The following RNF111 variants were observed in gnomAD, a reference collection of about 807,000 sequenced individuals.
RNF111 encodes ring finger protein 111, also known as E3 ubiquitin-protein ligase Arkadia.
Under a neutral mutation model 95.1 loss-of-function variants are expected in RNF111, and 17 were observed. The ratio of observed to expected loss-of-function variants is 0.18; its 90% CI spans 0.12 to 0.27. The LOEUF is 0.27. Ranked by LOEUF, RNF111 falls within the 10% of genes least tolerant of loss-of-function variation. The pLI is 1.00. For synonymous variants in RNF111, 440 were observed against 414.8 expected, an observed-to-expected ratio of 1.06 and a Z score of -0.74; for missense variants, 1,189 against 1,210.4, an observed-to-expected ratio of 0.98 and a Z score of 0.26.
intron 1 of RNF111, among the ~76,000 whole-genome samples, chr15:59,023,045 G>A (rs1385791104): frequency 1.3e-5 from 2 of 152,134 alleles, no homozygotes; most frequent in Admixed American, 6.5e-5. Flanking sequence ...TCAGGAGTTC[G>A]AGACCAGCCT....
chr15:59,048,966 T>TGG (rs1157514520), intron 2 of RNF111, among the ~76,000 whole-genome samples: 5 of 152,046 alleles, frequency 3.3e-5, no homozygotes, highest in Non-Finnish European at 7.4e-5. Flanking sequence ...CTGGGTGTGG[T>TGG]GGTGTGCACC....
Position 59,022,110 on chromosome 15 carries a change from T to A in RNF111, c.-19-8694T>A, listed in dbSNP as rs75880969. Among the ~76,000 whole-genome samples the A allele has an allele frequency of 4.6e-3, 699 of 152,302 alleles. 2 individuals are homozygous for A. Among genetic ancestry groups the A allele is most frequent in the African/African-American group, 0.016 (654 of 41,552 alleles). On this transcript the variant is annotated intron_variant, in intron 1 of 13. Coordinates refer to ENST00000348370, the MANE Select transcript of RNF111 (RefSeq NM_017610.8). ...CCTGACCTAAAGTGATCTCCCCGCC[T>A]TGGCCGCCCAAAGTGCTGGGATTAC...
At chr15:59,010,608 A>G (rs1450221662) in intron 1 of RNF111, among the ~76,000 whole-genome samples, 2 of 152,050 alleles carry the variant, frequency 1.3e-5, no homozygotes, top group Non-Finnish European at 2.9e-5. Context: ...TACCATGTTG[A>G]CCAGGCTGGT....
chr15:59,055,561 T>C, intron 3 of RNF111, 121 bp from the exon 4 acceptor site: 1 of 676,948 alleles, frequency 1.5e-6, no homozygotes, highest in Non-Finnish European at 2.2e-6. Context: ...TAATTACGAT[T>C]ATTTCTTTGG....
chr15:59,035,757 C>A (rs1596154173), intron 2 of RNF111, among the ~76,000 whole-genome samples: 1 of 152,194 alleles, frequency 6.6e-6, no homozygotes, highest in Non-Finnish European at 1.5e-5. Context: ...GGCCCATTTA[C>A]TCCAGTTCCC....
chr15:59,008,439 G>C (rs1179814634), intron 1 of RNF111, among the ~76,000 whole-genome samples: 2 of 151,896 alleles, frequency 1.3e-5, no homozygotes, highest in African/African-American at 2.4e-5. Context: ...GGCTGGTCTC[G>C]ACTCCTGAGC....
At chr15:59,023,230 A>C (rs1409607253) in intron 1 of RNF111, among the ~76,000 whole-genome samples, 3 of 152,214 alleles carry the variant, frequency 2.0e-5, no homozygotes, top group Admixed American at 2.0e-4. Context: ...CCTGGGTGAC[A>C]GAGCAAGACT....
intron 8 of RNF111, among the ~76,000 whole-genome samples, chr15:59,083,214 T>C (rs1400682995): frequency 1.3e-5 from 2 of 151,994 alleles, no homozygotes; most frequent in African/African-American, 4.8e-5. Context: ...TAACTGACTT[T>C]AGGAAGAGAA....
chr15:59,001,928 TAAA>T (rs1261759522), intron 1 of RNF111, among the ~76,000 whole-genome samples: 1 of 152,086 alleles, frequency 6.6e-6, no homozygotes, highest in Admixed American at 6.6e-5. Flanking sequence ...CAATAACTAA[TAAA>T]AAAATTTATA....
chr15:59,022,584 T>A (rs1167583540), intron 1 of RNF111, among the ~76,000 whole-genome samples: 1 of 152,198 alleles, frequency 6.6e-6, no homozygotes, highest in Non-Finnish European at 1.5e-5. Flanking sequence ...CCTTGTGCAG[T>A]CCTCTTTTAA....
chr15:59,011,275 G>A (rs1343558866), intron 1 of RNF111, among the ~76,000 whole-genome samples: 1 of 152,120 alleles, frequency 6.6e-6, no homozygotes, highest in Non-Finnish European at 1.5e-5. Context: ...TTAAGTTTCA[G>A]TGCATACCTC....
At chr15:59,054,983 A>T (rs1450579262) in intron 3 of RNF111, among the ~76,000 whole-genome samples, 1 of 152,256 alleles carries the variant, frequency 6.6e-6, no homozygotes, top group African/African-American at 2.4e-5. Context: ...CCAAATCATT[A>T]TAGTGAGTCC....
intron 1 of RNF111, among the ~76,000 whole-genome samples, chr15:59,010,775 A>C (rs1381885721): frequency 6.6e-6 from 1 of 152,148 alleles, no homozygotes; most frequent in Non-Finnish European, 1.5e-5. Flanking sequence ...GGAAAAGTTG[A>C]GACTGGGTTG....
chr15:59,094,351 TGA>T (rs1172552084), intron 13 of RNF111, among the ~76,000 whole-genome samples: 1 of 152,192 alleles, frequency 6.6e-6, no homozygotes, highest in Non-Finnish European at 1.5e-5. Flanking sequence ...GTAATGTTTT[TGA>T]GAGAGAATTA....
chr15:58,995,764 CTTTTTTTTTTTTTT>C (rs34209382), intron 1 of RNF111, among the ~76,000 whole-genome samples: 5 of 99,528 alleles, frequency 5.0e-5, no homozygotes, highest in African/African-American at 2.0e-4. Flanking sequence ...GTGCCCCGGC[CTTTTTTTTTTTTTT>C]TTTTTTTTTT....
intron 1 of RNF111, among the ~76,000 whole-genome samples, chr15:59,027,257 A>G (rs1483201136): frequency 2.0e-5 from 3 of 152,144 alleles, no homozygotes; most frequent in African/African-American, 7.2e-5. Context: ...ACCAGAACAT[A>G]ACTCTGACAT....
Position 59,066,951 on chromosome 15 carries a change from C to G in RNF111, c.1554C>G (p.His518Gln). 1 of 1,614,128 alleles carries G rather than the reference C, an allele frequency of 6.2e-7. No individual in the cohort carries two copies. Among genetic ancestry groups the G allele is most frequent in the Non-Finnish European group, 8.5e-7 (1 of 1,180,012 alleles). The change falls in exon 6 of 14, where the codon CAC becomes CAG. Residue 518 changes from histidine to glutamine, a missense_variant. His to Gln is a conservative substitution (Grantham distance 24, BLOSUM62 0). This residue lies in a region of RNF111 where 1,024 missense variants were observed against 925.9 expected (regional missense o/e 1.11). Transcript: ENST00000348370. ...ACCATTTTCAACATCATCACCACCA[C>G]CACCATACTCCCCACCCAGCTGTCC... ...HGHHFQHHHH[H>Q]HHTPHPAVPV...
intron 10 of RNF111, among the ~76,000 whole-genome samples, chr15:59,087,522 GTATGT>G (rs1328480228): frequency 4.6e-5 from 7 of 152,224 alleles, no homozygotes; most frequent in South Asian, 2.1e-4. Context: ...CACATATTCT[GTATGT>G]TATAAGTACG....
chr15:59,087,769 C>T (rs1413191407), intron 10 of RNF111, among the ~76,000 whole-genome samples: 3 of 152,074 alleles, frequency 2.0e-5, no homozygotes, highest in African/African-American at 4.8e-5. Context: ...TACATGTAAG[C>T]AGACCCATGC....
Sources: allele counts gnomAD v4.1 joint callset (sites outside exome capture counted in the v4.1 genomes callset), GRCh38; gene constraint gnomAD v4.1.1; regional missense constraint gnomAD v4.1.1; transcripts MANE v1.5; gene names NCBI Gene and HGNC (gene_info 2026-07-23, HGNC 2026-07-21).